The following CIAO2A variants were observed in gnomAD, a reference collection of about 807,000 sequenced individuals.
CIAO2A encodes the protein MIP18 family protein FAM96A.
A neutral mutation model predicts 22.4 loss-of-function variants in CIAO2A; 17 were observed. The observed-to-expected ratio is 0.76, with a 90% CI of 0.52 to 1.14. The LOEUF (loss-of-function observed/expected upper bound fraction) is 1.14, where lower values mean the gene tolerates loss of function less well. Among genes scored for constraint, CIAO2A ranks in the 50% most tolerant of loss-of-function variants. The pLI is 0.00. For synonymous variants in CIAO2A, 74 were observed against 72.3 expected, an observed-to-expected ratio of 1.02 and a Z score of -0.12; for missense variants, 192 against 191.4, an observed-to-expected ratio of 1.00 and a Z score of -0.02.
Position 64,088,714 on chromosome 15 carries a change from G to T in CIAO2A, c.262C>A (p.Pro88Thr), listed in dbSNP as rs1177177067. The T allele has an allele frequency of 6.2e-7, 1 of 1,613,186 alleles. No individual in the cohort carries two copies. The highest frequency in any genetic ancestry group is 1.1e-5 in the South Asian group (1 of 90,846). Residue 88 changes from proline (P) to threonine (T), a missense_variant, in exon 2 of 5, where the codon CCT (proline) becomes ACT (threonine). By Grantham distance (38) the Pro-to-Thr change is conservative (BLOSUM62 -1). Coordinates refer to ENST00000300030, the MANE Select transcript of CIAO2A (RefSeq NM_032231.7). ...ATAAGAGTCGCCAAAGAGCAATGAGGTACTGTTGGCGTGAACCTGATAATA... is the reference window on the plus strand; with the variant it reads ...ATAAGAGTCGCCAAAGAGCAATGAGTTACTGTTGGCGTGAACCTGATAATA... ...LVIIRFTPTV[P>T]HCSLATLIGL...
intron 4 of CIAO2A, 87 bp from the exon 5 acceptor site, chr15:64,073,115 A>C: frequency 1.2e-6 from 1 of 826,036 alleles, no homozygotes; most frequent in Non-Finnish European, 1.9e-6. Flanking sequence ...CTGAAACAAA[A>C]ACTTTAACTC....
At chr15:64,087,654 G>A (rs2080808324) in intron 2 of CIAO2A, among the ~76,000 whole-genome samples, 1 of 152,222 alleles carries the variant, frequency 6.6e-6, no homozygotes, top group South Asian at 2.1e-4. Context: ...AGAAAAGACA[G>A]AAATCACAAT....
chr15:64,093,692 GCTCCCGGCTCA>G lies in CIAO2A; in HGVS notation c.66_76del (p.Glu23CysfsTer16). The G allele has an allele frequency of 6.2e-7, 1 of 1,614,050 alleles. No individual in the cohort carries two copies. Among genetic ancestry groups the G allele is most frequent in the African/African-American group, 1.3e-5 (1 of 75,044 alleles). ...TTCCATGATCCGGGGCTGCCGGGCA[GCTCCCGGCTCA>G]GAGAGGCCGGAGAGCCACAGGACTC... On this transcript the variant is annotated frameshift_variant, in exon 1 of 5. Coordinates refer to ENST00000300030, the MANE Select transcript of CIAO2A (RefSeq NM_032231.7). LOFTEE classifies it high-confidence loss of function.
intron 2 of CIAO2A, among the ~76,000 whole-genome samples, chr15:64,086,415 A>T (rs1337557976): frequency 2.6e-5 from 4 of 152,070 alleles, no homozygotes; most frequent in African/African-American, 9.7e-5. Flanking sequence ...TCCAGCTCAA[A>T]AAATAAATAA....
chr15:64,085,081 AAAAATAAAATAAAATAAAAT>A (rs57243810), intron 2 of CIAO2A, among the ~76,000 whole-genome samples: 20 of 148,928 alleles, frequency 1.3e-4, no homozygotes, highest in East Asian at 4.0e-4. Flanking sequence ...CTCTGTCTCA[AAAAATAAAATAAAATAAAAT>A]AAAATAAAAT....
intron 4 of CIAO2A, 115 bp downstream of exon 4, chr15:64,075,377 A>G: frequency 1.5e-6 from 1 of 649,278 alleles, no homozygotes; most frequent in Non-Finnish European, 2.6e-6. Flanking sequence ...CCAATAACCA[A>G]TTGTGCACTT....
At chr15:64,078,258 C>T (rs73460626) in intron 3 of CIAO2A, among the ~76,000 whole-genome samples, 5,989 of 152,128 alleles carry the variant, frequency 0.039, 405 homozygotes, top group African/African-American at 0.14. Flanking sequence ...CAATTTAAGA[C>T]GTATTTATTG....
At chr15:64,093,604 C>A (rs1021685341) in intron 1 of CIAO2A, 41 bp downstream of exon 1, 11 of 1,591,800 alleles carry the variant, frequency 6.9e-6, no homozygotes, top group Non-Finnish European at 9.4e-6. Context: ...CTCCGGCCTG[C>A]ACCTATAACG....
At position 64,072,770 on chromosome 15, in the gene CIAO2A, T is replaced by C. The variant is rs1165170741; in HGVS notation, c.*161A>G. 2.1e-6 allele frequency: 1 copy of C among 486,774 alleles called. No homozygotes were observed. The highest frequency in any genetic ancestry group is 3.2e-5 in the East Asian group (1 of 31,452). 30.2% of individuals were successfully genotyped at this position (486,774 alleles called of 1,614,324 possible). A position where few individuals can be genotyped will look rare whatever the true frequency, so the allele number is the denominator to read the frequency against. On this transcript the variant is annotated 3_prime_UTR_variant, in exon 5 of 5. Transcript: ENST00000300030. Reference sequence around the variant, plus strand: ...CTGAGAATGTTATACATTGAACAAATTAGGTACTACCTTATAATTAAATCT... The same window carrying C: ...CTGAGAATGTTATACATTGAACAAACTAGGTACTACCTTATAATTAAATCT...
chr15:64,087,495 C>G (rs2080807152), intron 2 of CIAO2A, among the ~76,000 whole-genome samples: 1 of 152,088 alleles, frequency 6.6e-6, no homozygotes, highest in South Asian at 2.1e-4. Flanking sequence ...TCCCAAAGTG[C>G]TGGGATTACA....
chr15:64,081,065 TACA>T (rs368559610), intron 3 of CIAO2A, 34 bp downstream of exon 3: 230 of 1,593,878 alleles, frequency 1.4e-4, no homozygotes, highest in Middle Eastern at 1.8e-4. Context: ...AAAGCTGTTT[TACA>T]ACAACAACAA....
intron 2 of CIAO2A, among the ~76,000 whole-genome samples, chr15:64,083,520 T>C (rs1374600064): frequency 6.6e-6 from 1 of 152,230 alleles, no homozygotes; most frequent in Non-Finnish European, 1.5e-5. Flanking sequence ...CTCAGGCACC[T>C]TTCCAGGCTA....
chr15:64,081,969 A>C (rs773129179), intron 2 of CIAO2A, among the ~76,000 whole-genome samples: 5 of 152,242 alleles, frequency 3.3e-5, no homozygotes, highest in African/African-American at 2.4e-5. Context: ...GCAAGGTACA[A>C]ATACAGTAAC....
chr15:64,076,431 A>G (rs1345985993), intron 3 of CIAO2A, among the ~76,000 whole-genome samples: 1 of 152,174 alleles, frequency 6.6e-6, no homozygotes, highest in Non-Finnish European at 1.5e-5. Context: ...TTATCATGCT[A>G]AATTTATTCT....
chr15:64,077,840 C>T (rs574044154), intron 3 of CIAO2A, among the ~76,000 whole-genome samples: 1 of 152,256 alleles, frequency 6.6e-6, no homozygotes, highest in East Asian at 1.9e-4. Flanking sequence ...GGAATACGTG[C>T]TGTAGATGAG....
In CIAO2A at chr15:64,073,045, C is replaced by A. The variant is rs770645384; in HGVS notation, c.386-17G>T. ...GCTTATTGACTGAAAAATACACAGA[C>A]AAAAGTTAGCAGAAGAACTGTGTCA... is the stretch of plus-strand genomic sequence containing the variant. On this transcript the variant is annotated splice_polypyrimidine_tract_variant and intron_variant, in intron 4 of 4. Transcript: ENST00000300030. 3.2e-6 allele frequency: 5 copies of A among 1,552,264 alleles called. No individual in the cohort carries two copies. Among genetic ancestry groups the A allele is most frequent in the Non-Finnish European group, 4.4e-6 (5 of 1,124,590 alleles).
rs57243810 is a variant in CIAO2A, at chr15:64,085,081, A to AAAAAT, written c.289+3601_289+3605dup. On this transcript the variant is annotated intron_variant, in intron 2 of 4. Transcript: ENST00000300030. ...GCCAATAAAGTGAGACTCTGTCTCA[A>AAAAAT]AAAATAAAATAAAATAAAATAAAAT... 4.8e-3 allele frequency among the ~76,000 whole-genome samples: 712 copies of AAAAAT among 149,030 alleles called. 4 individuals are homozygous for AAAAAT. Among genetic ancestry groups the AAAAAT allele is most frequent in the South Asian group, 0.026 (121 of 4,690 alleles).
In CIAO2A at chr15:64,081,535, C is replaced by A. The variant is rs4776827; in HGVS notation, c.290-384G>T. On this transcript the variant is annotated intron_variant, in intron 2 of 4. Coordinates refer to ENST00000300030, the MANE Select transcript of CIAO2A (RefSeq NM_032231.7). ...GCAAAAGTCAATTAACTCATTAAGCCTTTTTTTTTTTTTTTTTTTTGAGAC... is the reference window on the plus strand; with the variant it reads ...GCAAAAGTCAATTAACTCATTAAGCATTTTTTTTTTTTTTTTTTTTGAGAC... Among the ~76,000 whole-genome samples, 184 of 37,096 alleles carry A rather than the reference C, an allele frequency of 5.0e-3. 2 individuals are homozygous for A. Among genetic ancestry groups the A allele is most frequent in the African/African-American group, 0.013 (171 of 13,208 alleles). 24.3% of individuals were successfully genotyped at this position (37,096 alleles called of 152,430 possible). A position where few individuals can be genotyped will look rare whatever the true frequency, so the allele number is the denominator to read the frequency against.
At chr15:64,093,375 G>C (rs1268545315) in intron 1 of CIAO2A, among the ~76,000 whole-genome samples, 1 of 152,100 alleles carries the variant, frequency 6.6e-6, no homozygotes, top group East Asian at 1.9e-4. Context: ...GCCACACGTG[G>C]AGAATGAAGC....
Sources: allele counts gnomAD v4.1 joint callset (sites outside exome capture counted in the v4.1 genomes callset), GRCh38; gene constraint gnomAD v4.1.1; transcripts MANE v1.5; gene names NCBI Gene and HGNC (gene_info 2026-07-23, HGNC 2026-07-21).